The following CSRNP3 variants were observed in gnomAD, a reference collection of about 807,000 sequenced individuals.
CSRNP3 encodes the protein cysteine and serine rich nuclear protein 3.
In CSRNP3, 12 loss-of-function variants were observed where a neutral mutation model predicts 48.0. That is an observed-to-expected ratio of 0.25 (90% CI 0.16 to 0.41). The LOEUF is 0.41. Among genes scored for constraint, CSRNP3 ranks in the 10% least tolerant of loss-of-function variants. The pLI is 1.00. For synonymous variants in CSRNP3, 263 were observed against 269.7 expected (o/e 0.98, Z 0.24); for missense variants, 580 against 724.4 (o/e 0.80, Z 2.29).
At chr2:165,666,456 A>G (rs1377848090) in intron 5 of CSRNP3, among the ~76,000 whole-genome samples, 12 of 44,300 alleles carry the variant, frequency 2.7e-4, no homozygotes, top group East Asian at 7.7e-4. Flanking sequence ...AAGGGAGGAA[A>G]GAGAGAGAGG....
intron 4 of CSRNP3, among the ~76,000 whole-genome samples, chr2:165,646,912 T>C (rs1197731446): frequency 2.0e-5 from 3 of 152,208 alleles, no homozygotes; most frequent in Non-Finnish European, 4.4e-5. Flanking sequence ...TATAGGTTTA[T>C]ATATTTTGGA....
At chr2:165,524,645 G>C (rs1018334551) in intron 3 of CSRNP3, among the ~76,000 whole-genome samples, 1 of 152,024 alleles carries the variant, frequency 6.6e-6, no homozygotes, top group Non-Finnish European at 1.5e-5. Flanking sequence ...ATCTGCTCTA[G>C]GTCACTACAG....
intron 3 of CSRNP3, among the ~76,000 whole-genome samples, chr2:165,579,943 T>G (rs1685513601): frequency 7.0e-6 from 1 of 143,072 alleles, no homozygotes; most frequent in African/African-American, 2.6e-5. Context: ...TTTTTTTTTT[T>G]TTTGAGACAG....
intron 2 of CSRNP3, among the ~76,000 whole-genome samples, chr2:165,508,884 T>C (rs766564765): frequency 2.6e-5 from 4 of 152,216 alleles, no homozygotes; most frequent in Non-Finnish European, 5.9e-5. Context: ...GGGTTAGTTT[T>C]TATGTTACTA....
intron 3 of CSRNP3, among the ~76,000 whole-genome samples, chr2:165,534,007 ATTC>A (rs959660908): frequency 3.3e-5 from 5 of 152,058 alleles, no homozygotes; most frequent in African/African-American, 1.2e-4. Context: ...GAAACAATGA[ATTC>A]TTCTTATAAC....
chr2:165,596,263 C>G (rs1685810291), intron 4 of CSRNP3, among the ~76,000 whole-genome samples: 1 of 150,602 alleles, frequency 6.6e-6, no homozygotes, highest in South Asian at 2.1e-4. Context: ...AGGAAACTGA[C>G]TAGCATAGTT....
At chr2:165,613,630 C>T (rs1686177702) in intron 4 of CSRNP3, among the ~76,000 whole-genome samples, 1 of 152,162 alleles carries the variant, frequency 6.6e-6, no homozygotes, top group South Asian at 2.1e-4. Flanking sequence ...ATTCAGTTCT[C>T]ACCAAACCAC....
intron 5 of CSRNP3, among the ~76,000 whole-genome samples, chr2:165,675,133 T>G (rs1198182789): frequency 1.3e-5 from 2 of 152,164 alleles, no homozygotes. Flanking sequence ...TTTTCCAGTT[T>G]GAGGATTTTT....
chr2:165,518,998 C>T (rs891342192), intron 3 of CSRNP3, among the ~76,000 whole-genome samples: 3 of 151,978 alleles, frequency 2.0e-5, no homozygotes, highest in African/African-American at 7.3e-5. Flanking sequence ...GTAATTAATT[C>T]TAAAGCTAAA....
At chr2:165,566,012 T>TA (rs1685292149) in intron 3 of CSRNP3, among the ~76,000 whole-genome samples, 1 of 152,004 alleles carries the variant, frequency 6.6e-6, no homozygotes, top group Admixed American at 6.6e-5. Flanking sequence ...CAGAATCGTC[T>TA]ATCTGGGTTC....
At chr2:165,476,569 G>A (rs1162863837) in intron 1 of CSRNP3, among the ~76,000 whole-genome samples, 2 of 152,228 alleles carry the variant, frequency 1.3e-5, no homozygotes, top group Non-Finnish European at 2.9e-5. Flanking sequence ...CAGGCAGCAT[G>A]CCGGTTTCTA....
At chr2:165,541,600 G>C (rs186579579) in intron 3 of CSRNP3, among the ~76,000 whole-genome samples, 71 of 152,092 alleles carry the variant, frequency 4.7e-4, no homozygotes, top group Admixed American at 9.2e-4. Flanking sequence ...ACACATCGTG[G>C]GATACAAAGG....
At chr2:165,668,742 TTC>T (rs1476265883) in intron 5 of CSRNP3, among the ~76,000 whole-genome samples, 2 of 152,148 alleles carry the variant, frequency 1.3e-5, no homozygotes, top group East Asian at 3.9e-4. Flanking sequence ...GGGAAGCTTA[TTC>T]TGCTCTTTTA....
At chr2:165,532,672 C>G (rs113239778) in intron 3 of CSRNP3, among the ~76,000 whole-genome samples, 3,031 of 151,986 alleles carry the variant, frequency 0.02, 99 homozygotes, top group African/African-American at 0.07. Flanking sequence ...CCCTCTCTCA[C>G]CGCTCCTATT....
chr2:165,475,498 C>T (rs1683948752), intron 1 of CSRNP3, among the ~76,000 whole-genome samples: 1 of 152,188 alleles, frequency 6.6e-6, no homozygotes, highest in African/African-American at 2.4e-5. Context: ...TCATGACAGC[C>T]ACTTTGTGAT....
At chr2:165,556,088 A>G (rs577337670) in intron 3 of CSRNP3, among the ~76,000 whole-genome samples, 200 of 152,256 alleles carry the variant, frequency 1.3e-3, no homozygotes, top group African/African-American at 4.1e-3. Flanking sequence ...TCTTTAGGGG[A>G]AGACAGCAGT....
chr2:165,483,022 G>A (rs536444270), intron 1 of CSRNP3, among the ~76,000 whole-genome samples: 9 of 146,368 alleles, frequency 6.1e-5, no homozygotes, highest in Non-Finnish European at 7.5e-5. Flanking sequence ...GAGAACATAC[G>A]TATATGTGTG....
intron 4 of CSRNP3, among the ~76,000 whole-genome samples, chr2:165,597,323 C>T (rs1317329729): frequency 2.6e-5 from 4 of 152,052 alleles, no homozygotes; most frequent in Non-Finnish European, 2.9e-5. Flanking sequence ...CATAGAAAAT[C>T]CCAACATGTT....
chr2:165,474,627 C>T (rs1210180661), intron 1 of CSRNP3, among the ~76,000 whole-genome samples: 1 of 152,120 alleles, frequency 6.6e-6, no homozygotes, highest in African/African-American at 2.4e-5. Flanking sequence ...TAGTGGGAAA[C>T]TAAGTATTTG....
Sources: allele counts gnomAD v4.1 joint callset (sites outside exome capture counted in the v4.1 genomes callset), GRCh38; gene constraint gnomAD v4.1.1; transcripts MANE v1.5; gene names NCBI Gene and HGNC (gene_info 2026-07-23, HGNC 2026-07-21).